The following NR3C1 variants were observed in gnomAD, a reference collection of about 807,000 sequenced individuals.
The protein encoded by NR3C1 is glucocorticoid receptor.
A neutral mutation model predicts 74.0 loss-of-function variants in NR3C1; 14 were observed. That is an observed-to-expected ratio of 0.19 (90% CI 0.12 to 0.30). NR3C1 has a LOEUF of 0.30. Ranked by LOEUF, NR3C1 falls within the 10% of genes least tolerant of loss-of-function variation. The pLI is 1.00. For synonymous variants in NR3C1, 308 were observed against 332.5 expected (o/e 0.93, Z 0.80); for missense variants, 695 against 909.8 (o/e 0.76, Z 3.04).
chr5:143,298,268 A>G (rs908202000), intron 6 of NR3C1, among the ~76,000 whole-genome samples: 6 of 152,290 alleles, frequency 3.9e-5, no homozygotes, highest in South Asian at 2.1e-4. Flanking sequence ...GTCTGGGTCC[A>G]TATGTCCCAC....
chr5:143,357,964 G>A (rs2151809929), intron 2 of NR3C1, among the ~76,000 whole-genome samples: 1 of 152,184 alleles, frequency 6.6e-6, no homozygotes, highest in African/African-American at 2.4e-5. Flanking sequence ...ACAAAAAAAC[G>A]TAAGCACTTG....
At chr5:143,373,804 G>A (rs1053343206) in intron 2 of NR3C1, among the ~76,000 whole-genome samples, 1 of 152,212 alleles carries the variant, frequency 6.6e-6, no homozygotes, top group Non-Finnish European at 1.5e-5. Context: ...CTGGGAAAGG[G>A]CATCCAGCGA....
intron 2 of NR3C1, among the ~76,000 whole-genome samples, chr5:143,376,317 T>C (rs974920681): frequency 5.3e-5 from 8 of 152,222 alleles, no homozygotes; most frequent in African/African-American, 1.9e-4. Context: ...GAACTGTGGA[T>C]AAATTCTCAT....
At chr5:143,325,359 C>A (rs1358281112) in intron 2 of NR3C1, among the ~76,000 whole-genome samples, 1 of 152,166 alleles carries the variant, frequency 6.6e-6, no homozygotes, top group Admixed American at 6.5e-5. Context: ...TTAACTATCA[C>A]GAGAATAGCA....
intron 2 of NR3C1, among the ~76,000 whole-genome samples, chr5:143,393,615 A>G (rs902036431): frequency 6.6e-6 from 1 of 152,150 alleles, no homozygotes; most frequent in Admixed American, 6.5e-5. Context: ...CTCAATAATT[A>G]TAAAAGAAAA....
rs1274991847 is a variant in NR3C1 at position 143,281,656 on chromosome 5, C to G, written c.*233G>C. 2 of 483,014 alleles carry G rather than the reference C, an allele frequency of 4.1e-6. No individual in the cohort carries two copies. The highest frequency in any genetic ancestry group is 7.7e-5 in the East Asian group (2 of 25,958). The allele number at this position is 483,014 out of a possible 1,614,324, so 29.9% of individuals were successfully genotyped here. A position where few individuals can be genotyped will look rare whatever the true frequency, so the allele number is the denominator to read the frequency against. On this transcript the variant is annotated 3_prime_UTR_variant, in exon 9 of 9. Coordinates refer to ENST00000394464, the MANE Select transcript of NR3C1 (RefSeq NM_000176.3). ...GTTTCTAATTTCTGGGATATATTAA[C>G]TAATAAATTTCACCATCTACTCTCC... is the stretch of plus-strand genomic sequence containing the variant.
intron 7 of NR3C1, chr5:143,295,161 T>C (rs867027670): frequency 2.0e-5 from 20 of 985,282 alleles, no homozygotes; most frequent in Middle Eastern, 5.2e-4. Flanking sequence ...TTTTTCCATG[T>C]CTTCCCATGA....
At chr5:143,373,053 C>T (rs1211238466) in intron 2 of NR3C1, among the ~76,000 whole-genome samples, 2 of 152,100 alleles carry the variant, frequency 1.3e-5, no homozygotes, top group African/African-American at 2.4e-5. Context: ...AAAAACTAAA[C>T]ATAAATATTT....
intron 2 of NR3C1, among the ~76,000 whole-genome samples, chr5:143,331,590 T>G (rs1475869638): frequency 6.6e-6 from 1 of 152,120 alleles, no homozygotes; most frequent in Non-Finnish European, 1.5e-5. Context: ...CACCATGGAA[T>G]TCTACACAGC....
chr5:143,336,284 G>A (rs1359280424), intron 2 of NR3C1, among the ~76,000 whole-genome samples: 3 of 152,150 alleles, frequency 2.0e-5, no homozygotes, highest in African/African-American at 7.2e-5. Flanking sequence ...GTCAAATGTA[G>A]TTCTGGTTAA....
chr5:143,280,096 C>CTGTT lies in NR3C1; in HGVS notation c.*1789_*1792dup, dbSNP rs1272402715. Reference sequence around the variant, plus strand: ...CATCTCCCTCTTCCCCTAGAGCAAACTGTTTGGTTTCTGAGACCATCGCTG... The same window carrying CTGTT: ...CATCTCCCTCTTCCCCTAGAGCAAACTGTTTGTTTGGTTTCTGAGACCATCGCTG... On this transcript the variant is annotated 3_prime_UTR_variant, in exon 9 of 9. Coordinates refer to ENST00000394464, the MANE Select transcript of NR3C1 (RefSeq NM_000176.3). The CTGTT allele has an allele frequency of 2.6e-5, 4 of 152,640 alleles. No individual in the cohort carries two copies. The highest frequency in any genetic ancestry group is 1.9e-4 in the East Asian group (1 of 5,202). The allele number at this position is 152,640 out of a possible 1,614,324, so 9.5% of individuals were successfully genotyped here. A position where few individuals can be genotyped will look rare whatever the true frequency, so the allele number is the denominator to read the frequency against.
chr5:143,405,117 A>T (rs539796181), upstream of NR3C1: 4 of 985,512 alleles, frequency 4.1e-6, no homozygotes, highest in African/African-American at 5.2e-5. Flanking sequence ...CGCGTCGGGA[A>T]GGCTTGGACG....
chr5:143,422,320 T>A (rs181837547), intron 1 of NR3C1, among the ~76,000 whole-genome samples: 4 of 152,214 alleles, frequency 2.6e-5, no homozygotes, highest in Non-Finnish European at 4.4e-5. Context: ...CAGTATGGCA[T>A]AGTATTTAAG....
intron 2 of NR3C1, among the ~76,000 whole-genome samples, chr5:143,398,917 C>T (rs985981850): frequency 2.6e-5 from 4 of 152,084 alleles, no homozygotes; most frequent in African/African-American, 9.7e-5. Context: ...ACAATTTTGG[C>T]CATCAGTTAT....
At chr5:143,405,664 G>A (rs1169393839), upstream of NR3C1, among the ~76,000 whole-genome samples, 1 of 152,142 alleles carries the variant, frequency 6.6e-6, no homozygotes, top group African/African-American at 2.4e-5. Flanking sequence ...AGAGATACTC[G>A]CCACCTCGGA....
chr5:143,387,692 A>G (rs991914501), intron 2 of NR3C1, among the ~76,000 whole-genome samples: 9 of 152,206 alleles, frequency 5.9e-5, no homozygotes, highest in African/African-American at 7.2e-5. Context: ...TGTCATTGCC[A>G]TATTAGGTTG....
intron 3 of NR3C1, among the ~76,000 whole-genome samples, chr5:143,312,619 T>C (rs960967378): frequency 5.3e-5 from 8 of 152,210 alleles, no homozygotes; most frequent in Non-Finnish European, 1.0e-4. Flanking sequence ...AAGTGTAAGA[T>C]ATTTTCAATT....
intron 7 of NR3C1, among the ~76,000 whole-genome samples, chr5:143,293,302 C>G (rs1270735153): frequency 2.0e-5 from 3 of 152,190 alleles, no homozygotes; most frequent in African/African-American, 7.2e-5. Context: ...ATTGCATGTT[C>G]TCACTTCTAA....
At chr5:143,350,763 G>A (rs1830090418) in intron 2 of NR3C1, among the ~76,000 whole-genome samples, 1 of 152,166 alleles carries the variant, frequency 6.6e-6, no homozygotes, top group South Asian at 2.1e-4. Context: ...GAGAAACTCT[G>A]AAAGAAGAAC....
Sources: allele counts gnomAD v4.1 joint callset (sites outside exome capture counted in the v4.1 genomes callset), GRCh38; gene constraint gnomAD v4.1.1; transcripts MANE v1.5; gene names NCBI Gene and HGNC (gene_info 2026-07-23, HGNC 2026-07-21).